The following DLGAP2 variants were observed in gnomAD, a reference collection of about 807,000 sequenced individuals.
The protein encoded by DLGAP2 is DLG associated protein 2.
In DLGAP2, 26 loss-of-function variants were observed where a neutral mutation model predicts 100.3. The observed-to-expected ratio is 0.26, with a 90% CI of 0.19 to 0.36. The LOEUF is 0.36. Among genes scored for constraint, DLGAP2 ranks in the 10% least tolerant of loss-of-function variants. The pLI is 1.00. For missense variants in DLGAP2, 1,858 were observed against 1,453.2 expected (o/e 1.28, Z -4.53); for synonymous variants, 886 against 630.1 (o/e 1.41, Z -6.08).
At chr8:1,164,351 CCG>C (rs1796969656) in intron 2 of DLGAP2, among the ~76,000 whole-genome samples, 1 of 141,544 alleles carries the variant, frequency 7.1e-6, no homozygotes. Flanking sequence ...CCCGCAGGGC[CCG>C]TCGTTTTGGT....
At chr8:1,661,229 TCTC>T (rs1434059132) in intron 8 of DLGAP2, among the ~76,000 whole-genome samples, 4 of 152,166 alleles carry the variant, frequency 2.6e-5, no homozygotes, top group African/African-American at 9.7e-5. Flanking sequence ...GGGCCCAGCT[TCTC>T]CTCATCCCGC....
intron 1 of DLGAP2, among the ~76,000 whole-genome samples, chr8:896,965 T>G (rs937987011): frequency 1.3e-5 from 2 of 152,130 alleles, no homozygotes; most frequent in South Asian, 4.1e-4. Flanking sequence ...AGGGGTGAAG[T>G]CGCCCCAAGT....
chr8:1,276,509 A>T (rs1206018747), intron 3 of DLGAP2, among the ~76,000 whole-genome samples: 1 of 152,114 alleles, frequency 6.6e-6, no homozygotes, highest in African/African-American at 2.4e-5. Context: ...TTGCATGTGT[A>T]TCTTCACATG....
rs543819955 is a variant in DLGAP2, at chr8:1,117,872, T to G, written c.74-140979T>G. ...GGTTCACAGTTAGGCTTTTGAAAGT[T>G]TTTTTTTTTCCTTTAAGAAAATCAG... On this transcript the variant is annotated intron_variant, in intron 2 of 14. Coordinates refer to ENST00000637795, the MANE Select transcript of DLGAP2 (RefSeq NM_001346810.2). 2.6e-5 allele frequency among the ~76,000 whole-genome samples: 4 copies of G among 151,256 alleles called. No individual in the cohort carries two copies. The East Asian group carries it at 7.7e-4, about 29-fold the overall frequency.
At chr8:752,544 G>A (rs1276483949) in intron 1 of DLGAP2, among the ~76,000 whole-genome samples, 1 of 152,198 alleles carries the variant, frequency 6.6e-6, no homozygotes, top group Non-Finnish European at 1.5e-5. Context: ...AGCACCAGCC[G>A]CCTATGCTTG....
chr8:1,522,422 G>A (rs1194981107), intron 4 of DLGAP2, among the ~76,000 whole-genome samples: 1 of 152,210 alleles, frequency 6.6e-6, no homozygotes, highest in Admixed American at 6.5e-5. Context: ...GGGCCTGGGG[G>A]ACCTCCTTTT....
At chr8:1,585,502 G>A (rs1346336465) in intron 6 of DLGAP2, among the ~76,000 whole-genome samples, 1 of 152,200 alleles carries the variant, frequency 6.6e-6, no homozygotes, top group Non-Finnish European at 1.5e-5. Flanking sequence ...GGGCTGTAGT[G>A]AGTGCTGTCT....
In DLGAP2 at chr8:855,028, GT is replaced by G. The variant is rs947339295; in HGVS notation, c.19-52883del. Among the ~76,000 whole-genome samples the G allele has an allele frequency of 1.6e-4, 25 of 152,226 alleles. 1 individual carries two copies. The highest frequency in any genetic ancestry group is 1.5e-5 in the Non-Finnish European group (1 of 68,052). On this transcript the variant is annotated intron_variant, in intron 1 of 14. Transcript: ENST00000637795. ...TCTGGCAGTCAGAGGTCCGGCAGTA[GT>G]GGGTCCGGGAGGGAGTGATGGTAGG...
chr8:909,565 A>G (rs1406097662), intron 2 of DLGAP2, among the ~76,000 whole-genome samples: 3 of 152,192 alleles, frequency 2.0e-5, no homozygotes, highest in Non-Finnish European at 4.4e-5. Flanking sequence ...GACTCCAAGT[A>G]ATCAATCTGT....
intron 4 of DLGAP2, among the ~76,000 whole-genome samples, chr8:1,517,270 G>T (rs2130399054): frequency 6.6e-6 from 1 of 152,282 alleles, no homozygotes; most frequent in African/African-American, 2.4e-5. Context: ...GGGGTCAGGA[G>T]CTTGGAAAAA....
At chr8:1,568,156 C>T (rs535044014) in intron 6 of DLGAP2, among the ~76,000 whole-genome samples, 1 of 150,984 alleles carries the variant, frequency 6.6e-6, no homozygotes, top group East Asian at 2.0e-4. Flanking sequence ...CCCGTGGCCC[C>T]CATGCCACTG....
At chr8:766,287 C>T (rs1248432592) in intron 1 of DLGAP2, among the ~76,000 whole-genome samples, 3 of 152,210 alleles carry the variant, frequency 2.0e-5, no homozygotes, top group Non-Finnish European at 4.4e-5. Context: ...ATAACATCTG[C>T]CCCAAACCCT....
chr8:1,354,529 C>T (rs554509193), intron 3 of DLGAP2, among the ~76,000 whole-genome samples: 2 of 151,962 alleles, frequency 1.3e-5, no homozygotes, highest in Admixed American at 6.6e-5. Flanking sequence ...AAAGAAAGAA[C>T]GAAAAGAAAA....
At chr8:1,282,978 G>C (rs1799848435) in intron 3 of DLGAP2, among the ~76,000 whole-genome samples, 1 of 126,694 alleles carries the variant, frequency 7.9e-6, no homozygotes, top group African/African-American at 3.1e-5. Flanking sequence ...GACGTGGTGT[G>C]ACCTGAATCC....
At chr8:1,269,799 T>C (rs950977562) in intron 3 of DLGAP2, among the ~76,000 whole-genome samples, 5 of 152,140 alleles carry the variant, frequency 3.3e-5, no homozygotes, top group African/African-American at 1.2e-4. Flanking sequence ...GACACTGACA[T>C]TGTATTTTTA....
intron 2 of DLGAP2, among the ~76,000 whole-genome samples, chr8:1,072,272 T>C (rs1216059219): frequency 4.6e-5 from 7 of 152,184 alleles, no homozygotes; most frequent in Admixed American, 4.6e-4. Flanking sequence ...GCTTTCCACT[T>C]CCATCGGGGA....
At chr8:1,315,219 G>A (rs535499252) in intron 3 of DLGAP2, among the ~76,000 whole-genome samples, 41 of 152,184 alleles carry the variant, frequency 2.7e-4, no homozygotes, top group African/African-American at 5.3e-4. Context: ...AAAATAGAGC[G>A]TGTGCAAGTA....
intron 3 of DLGAP2, among the ~76,000 whole-genome samples, chr8:1,327,416 C>G (rs751991131): frequency 1.3e-5 from 2 of 152,230 alleles, no homozygotes; most frequent in Non-Finnish European, 2.9e-5. Flanking sequence ...AGTCATCATT[C>G]CATCTCTTCC....
chr8:771,299 G>C (rs75923135), intron 1 of DLGAP2, among the ~76,000 whole-genome samples: 1,874 of 152,272 alleles, frequency 0.012, 46 homozygotes, highest in African/African-American at 0.043. Flanking sequence ...GCTGTGCAGA[G>C]GCATTTTGTA....
Sources: gnomAD v4.1 joint callset for allele counts (sites outside exome capture counted in the v4.1 genomes callset) on GRCh38, gnomAD v4.1.1 for gene constraint, MANE v1.5 for transcripts, NCBI Gene and HGNC (gene_info 2026-07-23, HGNC 2026-07-21) for gene names.